Variants in ITSN1 observed in about 807,000 individuals in gnomAD.
ITSN1 encodes the protein intersectin 1.
In ITSN1, 58 loss-of-function variants were observed where a neutral mutation model predicts 239.8. The ratio of observed to expected loss-of-function variants is 0.24; its 90% CI spans 0.20 to 0.30. The LOEUF (loss-of-function observed/expected upper bound fraction) is 0.30, where lower values mean the gene tolerates loss of function less well. Ranked by LOEUF, ITSN1 falls within the 10% of genes least tolerant of loss-of-function variation. ITSN1 has a pLI of 1.00. For synonymous variants in ITSN1, 780 were observed against 770.8 expected (o/e 1.01, Z -0.20); for missense variants, 1,558 against 2,103.3 (o/e 0.74, Z 5.07).
At chr21:33,653,293 C>T (rs2088720458) in intron 1 of ITSN1, among the ~76,000 whole-genome samples, 1 of 152,094 alleles carries the variant, frequency 6.6e-6, no homozygotes, top group Non-Finnish European at 1.5e-5. Context: ...CCGCACCCAG[C>T]CGTGATTGGG....
intron 36 of ITSN1, among the ~76,000 whole-genome samples, 154 bp from the exon 37 acceptor site, chr21:33,884,887 C>T (rs745979190): frequency 3.9e-5 from 6 of 152,186 alleles, no homozygotes; most frequent in African/African-American, 1.2e-4. Context: ...TAAGTATTAG[C>T]GTCACGTGAC....
In ITSN1 at chr21:33,887,096, T is replaced by G. The variant is rs147128001; in HGVS notation, c.5017+636T>G. Among the ~76,000 whole-genome samples the G allele has an allele frequency of 6.0e-3, 908 of 152,114 alleles. 12 individuals are homozygous for G. Among genetic ancestry groups the G allele is most frequent in the African/African-American group, 0.021 (863 of 41,508 alleles). ...ACTTTGGGAGGCTGAGGCAGGAGGA[T>G]CGCTTAAGCCCAGGAGTCTAAGACC... On this transcript the variant is annotated intron_variant, in intron 39 of 39. Coordinates refer to ENST00000381318, the MANE Select transcript of ITSN1 (RefSeq NM_003024.3).
intron 1 of ITSN1, among the ~76,000 whole-genome samples, chr21:33,692,771 T>C (rs1184529360): frequency 1.3e-5 from 2 of 152,112 alleles, no homozygotes; most frequent in Non-Finnish European, 2.9e-5. Flanking sequence ...GTCAGTAATC[T>C]ATTTCTTTTT....
At chr21:33,667,370 T>C (rs150327999) in intron 1 of ITSN1, among the ~76,000 whole-genome samples, 12 of 152,224 alleles carry the variant, frequency 7.9e-5, no homozygotes, top group African/African-American at 2.9e-4. Context: ...AATGTCTTGG[T>C]AAAAAATGTA....
At position 33,761,991 on chromosome 21, in the gene ITSN1, G is replaced by A; in HGVS notation, c.788+5G>A. The A allele has an allele frequency of 3.7e-6, 6 of 1,606,516 alleles. No homozygotes were observed. Among genetic ancestry groups the A allele is most frequent in the Non-Finnish European group, 5.1e-6 (6 of 1,173,102 alleles). On this transcript the variant is annotated splice_donor_5th_base_variant and intron_variant, in intron 9 of 39. Transcript: ENST00000381318. ...GGCTCAGCTGGCTTCAATATGGTAA[G>A]GAATGAAAAGTTCTTTGGTTTGGAT... is the stretch of plus-strand genomic sequence containing the variant.
In ITSN1 at chr21:33,836,414, C is replaced by T. The variant is rs766402505; in HGVS notation, c.3470-27C>T. 16 of 1,541,776 alleles carry T rather than the reference C, an allele frequency of 1.0e-5. No individual in the cohort carries two copies. The Admixed American group carries it at 2.9e-4, about 28-fold the overall frequency. The stretch of plus-strand genomic sequence containing the variant: ...TGTGCATTCTCCGGCGGGTGTGCAG[C>T]CGCTCACCCAGCCCTGTCTCCTGCA... On this transcript the variant is annotated intron_variant, in intron 28 of 39. Coordinates refer to ENST00000381318, the MANE Select transcript of ITSN1 (RefSeq NM_003024.3).
chr21:33,652,077 T>C (rs2088589635), intron 1 of ITSN1, among the ~76,000 whole-genome samples: 1 of 152,182 alleles, frequency 6.6e-6, no homozygotes. Flanking sequence ...CATCCAGTGA[T>C]AATGACTGTT....
intron 35 of ITSN1, among the ~76,000 whole-genome samples, chr21:33,883,083 G>A (rs560631398): frequency 3.5e-4 from 53 of 152,168 alleles, no homozygotes; most frequent in Non-Finnish European, 4.9e-4. Context: ...AAAGAGCTAT[G>A]TAGTTATATA....
intron 1 of ITSN1, among the ~76,000 whole-genome samples, chr21:33,674,895 T>C (rs1222735546): frequency 6.6e-6 from 1 of 152,170 alleles, no homozygotes; most frequent in Non-Finnish European, 1.5e-5. Flanking sequence ...TGTAGGACTT[T>C]TGTTTTTGTT....
intron 5 of ITSN1, among the ~76,000 whole-genome samples, chr21:33,749,684 A>G (rs2067420854): frequency 6.6e-6 from 1 of 151,996 alleles, no homozygotes; most frequent in Admixed American, 6.6e-5. Context: ...ATGAATAAAG[A>G]TGCTTTCCCC....
At chr21:33,877,520 G>A (rs532030317) in intron 34 of ITSN1, among the ~76,000 whole-genome samples, 4 of 152,150 alleles carry the variant, frequency 2.6e-5, no homozygotes, top group East Asian at 1.9e-4. Flanking sequence ...CTCAGGGCAC[G>A]TTTTCCTTCA....
rs75610291 is a variant in ITSN1 at position 33,796,431 on chromosome 21, A to G, written c.1953-948A>G. Among the ~76,000 whole-genome samples the G allele has an allele frequency of 2.3e-3, 357 of 152,348 alleles. 3 individuals are homozygous for G. The highest frequency in any genetic ancestry group is 8.0e-3 in the African/African-American group (331 of 41,574). On this transcript the variant is annotated intron_variant, in intron 17 of 39. Transcript: ENST00000381318. ...GCATTAAAATATCACATTCATACAGAGTAGAAATAAATGTAATTTTTTGAC... is the reference window on the plus strand; with the variant it reads ...GCATTAAAATATCACATTCATACAGGGTAGAAATAAATGTAATTTTTTGAC...
At position 33,776,499 on chromosome 21, in the gene ITSN1, A is replaced by G. The variant is rs566261418; in HGVS notation, c.1596+1391A>G. On this transcript the variant is annotated intron_variant, in intron 14 of 39. Transcript: ENST00000381318. ...CACGATATCGAGGCTGCAGTGAGCT[A>G]TGATTGAGCCACTGACTGCCTGGGC... is the stretch of plus-strand genomic sequence containing the variant. 5.9e-4 allele frequency among the ~76,000 whole-genome samples: 88 copies of G among 148,968 alleles called. 1 individual carries two copies. Among genetic ancestry groups the G allele is most frequent in the Admixed American group, 1.8e-3 (27 of 14,722 alleles).
At chr21:33,743,946 G>A (rs1266492785) in intron 5 of ITSN1, among the ~76,000 whole-genome samples, 1 of 152,172 alleles carries the variant, frequency 6.6e-6, no homozygotes, top group Non-Finnish European at 1.5e-5. Flanking sequence ...ATAAGGCTTC[G>A]GGGTATATTA....
rs189260526 is a variant in ITSN1 at position 33,882,088 on chromosome 21, T to C, written c.4342-155T>C. ...CCCCTGAACTGTGCCTTTGTCTGAC[T>C]TTGATCTCTTGGCTCCAAAGTCTTC... On this transcript the variant is annotated intron_variant, in intron 34 of 39. Coordinates refer to ENST00000381318, the MANE Select transcript of ITSN1 (RefSeq NM_003024.3). This position sits in a 1 kb window ranked among gnomAD's most constrained non-coding sequence, Gnocchi z 4.5. Among the ~76,000 whole-genome samples, 56 of 152,342 alleles carry C rather than the reference T, an allele frequency of 3.7e-4. No homozygotes were observed. In the East Asian group the frequency reaches 9.2e-3, roughly 25 times the overall value.
chr21:33,699,219 A>G (rs920867947), intron 1 of ITSN1, among the ~76,000 whole-genome samples: 1 of 152,142 alleles, frequency 6.6e-6, no homozygotes, highest in African/African-American at 2.4e-5. Context: ...CATTTCTACC[A>G]ATTTTAATCT....
Position 33,753,370 on chromosome 21 carries a change from C to T in ITSN1, c.623+1464C>T, listed in dbSNP as rs554301394. ...TCAAGATGGTGCATGAGGAAGCACACCCAGAGAAGCTCTAGTCCTCACCCA... is the reference window on the plus strand; with the variant it reads ...TCAAGATGGTGCATGAGGAAGCACATCCAGAGAAGCTCTAGTCCTCACCCA... On this transcript the variant is annotated intron_variant, in intron 7 of 39. Transcript: ENST00000381318. Among the ~76,000 whole-genome samples the T allele has an allele frequency of 3.3e-5, 5 of 152,236 alleles. No homozygotes were observed. In the East Asian group the frequency reaches 5.8e-4, roughly 18 times the overall value.
At chr21:33,880,147 A>G (rs1049588473) in intron 34 of ITSN1, among the ~76,000 whole-genome samples, 1 of 152,226 alleles carries the variant, frequency 6.6e-6, no homozygotes, top group East Asian at 1.9e-4. Flanking sequence ...ACCTAGGATC[A>G]CGGTGTGGAC....
intron 4 of ITSN1, among the ~76,000 whole-genome samples, chr21:33,728,771 G>T (rs541967147): frequency 6.6e-6 from 1 of 152,212 alleles, no homozygotes; most frequent in Admixed American, 6.5e-5. Context: ...AAATAATCTG[G>T]TTTGTTCTCT....
Sources: gnomAD v4.1 joint callset for allele counts (sites outside exome capture counted in the v4.1 genomes callset) on GRCh38, gnomAD v4.1.1 for gene constraint, Gnocchi (gnomAD v3.1) non-coding constraint, MANE v1.5 for transcripts, NCBI Gene and HGNC (gene_info 2026-07-23, HGNC 2026-07-21) for gene names.